Variants in NGF observed in about 807,000 individuals in gnomAD.
The protein encoded by NGF is beta-nerve growth factor.
A neutral mutation model predicts 12.8 loss-of-function variants in NGF; 4 were observed. That is an observed-to-expected ratio of 0.31 (90% CI 0.15 to 0.72). The LOEUF is 0.72. NGF is among the 30% of genes least tolerant of loss of function. The probability of loss-of-function intolerance (pLI) is 0.69; values close to 1 mark genes in which losing one functional copy is unlikely to be tolerated. For missense variants in NGF, 283 were observed against 330.8 expected (o/e 0.86, Z 1.12); for synonymous variants, 140 against 130.0 (o/e 1.08, Z -0.52).
chr1:115,306,328 C>T (rs1020758631), intron 1 of NGF, among the ~76,000 whole-genome samples: 1 of 152,102 alleles, frequency 6.6e-6, no homozygotes, highest in African/African-American at 2.4e-5. Context: ...ACTTTATTTC[C>T]CAGAATTCAT....
At chr1:115,335,233 G>A (rs1451832890) in intron 1 of NGF, among the ~76,000 whole-genome samples, 2 of 152,152 alleles carry the variant, frequency 1.3e-5, no homozygotes, top group African/African-American at 4.8e-5. Flanking sequence ...ATAAAAGACC[G>A]AGGACCCCAA....
intron 1 of NGF, among the ~76,000 whole-genome samples, chr1:115,329,694 A>G (rs967072532): frequency 2.0e-5 from 3 of 150,934 alleles, no homozygotes; most frequent in African/African-American, 7.3e-5. Context: ...TGAGAGTTGC[A>G]CACTAAGTTG....
At position 115,286,574 on chromosome 1, in the gene NGF, G is replaced by T. The variant is rs756396299; in HGVS notation, c.222C>A (p.Pro74=). The T allele has an allele frequency of 2.5e-6, 4 of 1,614,088 alleles. No individual in the cohort carries two copies. Among genetic ancestry groups the T allele is most frequent in the Non-Finnish European group, 3.4e-6 (4 of 1,180,050 alleles). The change falls in exon 3 of 3, where the codon CCC becomes CCA. Residue 74 remains proline (P), a synonymous_variant. Coordinates refer to ENST00000369512, the MANE Select transcript of NGF (RefSeq NM_002506.3). ...GGAGTCGCCGCTTTTTAAACAGCCT[G>T]GGGTCCACAGTAATGTTGCGGGTCT... ...AGQTRNITVD[P]RLFKKRRLRS...
chr1:115,290,584 C>T (rs886896951), intron 2 of NGF, among the ~76,000 whole-genome samples: 5 of 151,652 alleles, frequency 3.3e-5, no homozygotes, highest in South Asian at 4.2e-4. Flanking sequence ...TTTGCAGAGG[C>T]GGGGTTTCAC....
intron 1 of NGF, among the ~76,000 whole-genome samples, chr1:115,333,410 C>A (rs1169496078): frequency 6.8e-6 from 1 of 147,812 alleles, no homozygotes; most frequent in Admixed American, 6.8e-5. Context: ...ACAGGCGGTG[C>A]CAAAAGTGCC....
intron 1 of NGF, among the ~76,000 whole-genome samples, chr1:115,328,582 G>A (rs1184058284): frequency 6.6e-6 from 1 of 152,172 alleles, no homozygotes; most frequent in Admixed American, 6.6e-5. Context: ...CTCTGCTCTG[G>A]GCAGAAACTT....
At chr1:115,310,520 G>T (rs189031752) in intron 1 of NGF, among the ~76,000 whole-genome samples, 1 of 152,162 alleles carries the variant, frequency 6.6e-6, no homozygotes, top group African/African-American at 2.4e-5. Context: ...GGATGGCTTG[G>T]GGGTGTGGGT....
At chr1:115,330,042 A>C (rs569037622) in intron 1 of NGF, among the ~76,000 whole-genome samples, 1 of 152,196 alleles carries the variant, frequency 6.6e-6, no homozygotes, top group South Asian at 2.1e-4. Flanking sequence ...GGCATGGGCC[A>C]CACACCCGGC....
chr1:115,303,195 G>A (rs1008510880), intron 1 of NGF, among the ~76,000 whole-genome samples: 1 of 152,098 alleles, frequency 6.6e-6, no homozygotes, highest in African/African-American at 2.4e-5. Context: ...CACTTCAAAA[G>A]GCACATGTGA....
intron 2 of NGF, among the ~76,000 whole-genome samples, chr1:115,289,374 A>T (rs568291002): frequency 1.3e-5 from 2 of 152,182 alleles, no homozygotes; most frequent in Non-Finnish European, 2.9e-5. Context: ...AAGGGTTTCG[A>T]TGGACATAAG....
chr1:115,333,293 A>T (rs1191789371), intron 1 of NGF, among the ~76,000 whole-genome samples: 1 of 152,164 alleles, frequency 6.6e-6, no homozygotes, highest in Admixed American at 6.5e-5. Flanking sequence ...GTGGATTGAA[A>T]TTGCCCAATG....
At chr1:115,327,788 G>A (rs1449727456) in intron 1 of NGF, among the ~76,000 whole-genome samples, 1 of 152,204 alleles carries the variant, frequency 6.6e-6, no homozygotes, top group African/African-American at 2.4e-5. Context: ...CCAGCTCCCT[G>A]GTGCTTGGCT....
chr1:115,338,242 G>C lies in NGF; in HGVS notation c.-175C>G, dbSNP rs920207795. The C allele has an allele frequency of 5.2e-5, 8 of 152,486 alleles. No homozygotes were observed. The highest frequency in any genetic ancestry group is 1.9e-4 in the African/African-American group (8 of 41,584). 9.4% of individuals were successfully genotyped at this position (152,486 alleles called of 1,614,324 possible). On this transcript the variant is annotated 5_prime_UTR_variant, in exon 1 of 3. Transcript: ENST00000369512. ...TCCGGCTCCCAGCGCTCTCTGCTGT[G>C]CCGGAGCGCCGAGCTGCTCTCACAC... is the stretch of plus-strand genomic sequence containing the variant.
chr1:115,314,311 T>C (rs1255866780), intron 1 of NGF, among the ~76,000 whole-genome samples: 1 of 152,136 alleles, frequency 6.6e-6, no homozygotes, highest in Non-Finnish European at 1.5e-5. Context: ...TGGCAAAGGG[T>C]TGCTTCTAAC....
At chr1:115,301,505 G>A (rs1356659110) in intron 1 of NGF, among the ~76,000 whole-genome samples, 1 of 152,192 alleles carries the variant, frequency 6.6e-6, no homozygotes, top group East Asian at 1.9e-4. Flanking sequence ...CAGGCAGCTA[G>A]TTACTGGCAG....
chr1:115,312,389 G>C lies in NGF; in HGVS notation c.-136-18639C>G, dbSNP rs577479853. On this transcript the variant is annotated intron_variant, in intron 1 of 2. Coordinates refer to ENST00000369512, the MANE Select transcript of NGF (RefSeq NM_002506.3). The stretch of plus-strand genomic sequence containing the variant: ...CCAATCCCATGCTAGGTACCACAGA[G>C]AATACTAGACAAGTATAAGGCATGA... Among the ~76,000 whole-genome samples the C allele has an allele frequency of 2.6e-5, 4 of 152,230 alleles. No homozygotes were observed. The South Asian group carries it at 6.2e-4, about 24-fold the overall frequency.
chr1:115,304,508 TCG>T (rs1234605621), intron 1 of NGF, among the ~76,000 whole-genome samples: 1 of 151,792 alleles, frequency 6.6e-6, no homozygotes, highest in African/African-American at 2.4e-5. Flanking sequence ...TTATGTACCT[TCG>T]TCCTCCAAAA....
intron 1 of NGF, among the ~76,000 whole-genome samples, chr1:115,315,682 T>A (rs951987131): frequency 6.6e-6 from 1 of 152,180 alleles, no homozygotes; most frequent in Non-Finnish European, 1.5e-5. Flanking sequence ...GCAGTTGATA[T>A]AGACATGTAG....
intron 1 of NGF, among the ~76,000 whole-genome samples, chr1:115,306,306 T>C (rs1014371390): frequency 2.6e-5 from 4 of 152,212 alleles, no homozygotes; most frequent in African/African-American, 9.6e-5. Context: ...GGATTCAATT[T>C]GTGAATTGTT....
Sources: allele counts gnomAD v4.1 joint callset (sites outside exome capture counted in the v4.1 genomes callset), GRCh38; gene constraint gnomAD v4.1.1; transcripts MANE v1.5; gene names NCBI Gene and HGNC (gene_info 2026-07-23, HGNC 2026-07-21).